PCDHGA4: variants seen among roughly 807,000 people sequenced by gnomAD.
PCDHGA4 encodes protocadherin gamma-A4.
Under a neutral mutation model 54.6 loss-of-function variants are expected in PCDHGA4, and 38 were observed. The ratio of observed to expected loss-of-function variants is 0.70; its 90% CI spans 0.54 to 0.91. PCDHGA4 has a LOEUF of 0.91. Among genes scored for constraint, PCDHGA4 ranks in the 40% least tolerant of loss-of-function variants. PCDHGA4 has a pLI of 0.00. For synonymous variants in PCDHGA4, 511 were observed against 512.9 expected (o/e 1.00, Z 0.05); for missense variants, 1,298 against 1,220.9 (o/e 1.06, Z -0.94).
At chr5:141,394,769 C>A in intron 1 of PCDHGA4, 1 of 1,613,514 alleles carries the variant, frequency 6.2e-7, no homozygotes, top group African/African-American at 1.3e-5. Context: ...ATGGCCAGCC[C>A]CCTCTCTCCG....
In PCDHGA4 at chr5:141,356,250, A is replaced by T; in HGVS notation, c.1143A>T (p.Thr381=). ...ENDNAPEVTV[T]SLTSSVQESS... Reference sequence around the variant, plus strand: ...ACAACGCACCAGAAGTCACAGTTACATCTCTCACCAGCTCAGTCCAGGAAT... The same window carrying T: ...ACAACGCACCAGAAGTCACAGTTACTTCTCTCACCAGCTCAGTCCAGGAAT... Residue 381 remains threonine, a synonymous_variant, in exon 1 of 4, where the codon ACA becomes ACT. Transcript: ENST00000571252. 3.2e-6 allele frequency: 5 copies of T among 1,575,134 alleles called. No homozygotes were observed. The highest frequency in any genetic ancestry group is 4.3e-6 in the Non-Finnish European group (5 of 1,159,564).
intron 3 of PCDHGA4, 77 bp downstream of exon 3, chr5:141,505,558 C>T (rs945428797): frequency 3.7e-6 from 6 of 1,605,016 alleles, no homozygotes; most frequent in African/African-American, 1.3e-5. Context: ...ACCATGCCCA[C>T]GGACTGGATG....
chr5:141,398,835 T>G (rs371527677), intron 1 of PCDHGA4: 60 of 1,613,796 alleles, frequency 3.7e-5, no homozygotes, highest in Non-Finnish European at 4.9e-5. Context: ...CCGACGCCAA[T>G]GATAATCCCC....
intron 1 of PCDHGA4, chr5:141,360,061 T>A: frequency 6.9e-7 from 1 of 1,452,308 alleles, no homozygotes; most frequent in Non-Finnish European, 9.1e-7. Flanking sequence ...GCAGGAAAAG[T>A]GACCTTAGCC....
chr5:141,399,832 G>C (rs2093898646), intron 1 of PCDHGA4: 1 of 1,613,034 alleles, frequency 6.2e-7, no homozygotes, highest in Admixed American at 1.7e-5. Context: ...CGACGGCTCT[G>C]CGCTCTTCGA....
chr5:141,365,422 T>C (rs537066811), intron 1 of PCDHGA4: 4 of 1,614,032 alleles, frequency 2.5e-6, no homozygotes, highest in East Asian at 2.2e-5. Flanking sequence ...TTCCCGGAAC[T>C]GTAATCGCGC....
chr5:141,355,153 T>C lies in PCDHGA4; in HGVS notation c.46T>C (p.Ser16Pro). 6.5e-7 allele frequency: 1 copy of C among 1,549,638 alleles called. No homozygotes were observed. The highest frequency in any genetic ancestry group is 8.7e-7 in the Non-Finnish European group (1 of 1,150,038). Residue 16 changes from serine to proline, a missense_variant, in exon 1 of 4, where the codon TCG (serine) becomes CCG (proline). Transcript: ENST00000571252. Reference sequence around the variant, plus strand: ...AGAAGATCCTGGGGCTCCTCAGGCCTCGACAGAGGGAAAACCGAAGCACAG... The same window carrying C: ...AGAAGATCCTGGGGCTCCTCAGGCCCCGACAGAGGGAAAACCGAAGCACAG... Reference protein sequence around the residue: ...DPEDPGAPQASTEGKPKHRRL... With the variant: ...DPEDPGAPQAPTEGKPKHRRL...
chr5:141,376,701 A>G (rs1226810157), intron 1 of PCDHGA4: 2 of 567,970 alleles, frequency 3.5e-6, no homozygotes, highest in African/African-American at 3.9e-5. Context: ...TTTTTTTGAG[A>G]CGGAGTCTCG....
intron 1 of PCDHGA4, chr5:141,478,333 G>T: frequency 6.2e-7 from 1 of 1,613,928 alleles, no homozygotes; most frequent in Non-Finnish European, 8.5e-7. Context: ...GAACACCAGG[G>T]CCCTCCTTGC....
chr5:141,491,496 C>T lies in PCDHGA4; in HGVS notation c.2515-3311C>T, dbSNP rs372523924. ...AGTCCAGCCCCAACCTGCAGGTGAG[C>T]TCGGACGGCACGCTCAAGTACATGG... On this transcript the variant is annotated intron_variant, in intron 1 of 3. Transcript: ENST00000571252. This position sits in a 1 kb window ranked among gnomAD's most constrained non-coding sequence, Gnocchi z 6.9. 2.9e-5 allele frequency: 47 copies of T among 1,614,004 alleles called. No individual in the cohort carries two copies. Among genetic ancestry groups the T allele is most frequent in the Non-Finnish European group, 3.7e-5 (44 of 1,180,026 alleles).
chr5:141,387,788 A>G, intron 1 of PCDHGA4: 2 of 1,487,916 alleles, frequency 1.3e-6, no homozygotes, highest in Non-Finnish European at 1.8e-6. Flanking sequence ...TGGAACTGCA[A>G]CTAAAGTCCG....
chr5:141,423,816 T>C lies in PCDHGA4; in HGVS notation c.2514+66195T>C, dbSNP rs1205974775. ...TTAGAGCAATACATGTGAGTTTTACTTTGCCTTTCATGAGATTACGATAAT... is the reference window on the plus strand; with the variant it reads ...TTAGAGCAATACATGTGAGTTTTACCTTGCCTTTCATGAGATTACGATAAT... On this transcript the variant is annotated intron_variant, in intron 1 of 3. Transcript: ENST00000571252. 3 of 1,273,904 alleles carry C rather than the reference T, an allele frequency of 2.4e-6. No individual in the cohort carries two copies. The African/African-American group carries it at 4.7e-5, about 20-fold the overall frequency. 78.9% of individuals were successfully genotyped at this position (1,273,904 alleles called of 1,614,324 possible).
intron 1 of PCDHGA4, among the ~76,000 whole-genome samples, chr5:141,430,341 C>T (rs766664177): frequency 1.4e-4 from 21 of 149,938 alleles, no homozygotes; most frequent in Non-Finnish European, 2.8e-4. Context: ...TAGAAACTTC[C>T]AATTCATTTA....
Position 141,490,637 on chromosome 5 carries a change from A to C in PCDHGA4, c.2515-4170A>C. ...CTTTACACTGCTTACATCCTAGAAA[A>C]CCGGCCTCCGGGCTCCCTTCTTTGC... is the stretch of plus-strand genomic sequence containing the variant. On this transcript the variant is annotated intron_variant, in intron 1 of 3. Coordinates refer to ENST00000571252, the MANE Select transcript of PCDHGA4 (RefSeq NM_018917.4). This position sits in a 1 kb window ranked among gnomAD's most constrained non-coding sequence, Gnocchi z 5.4. 1 of 1,614,108 alleles carries C rather than the reference A, an allele frequency of 6.2e-7. No individual in the cohort carries two copies. Among genetic ancestry groups the C allele is most frequent in the Non-Finnish European group, 8.5e-7 (1 of 1,179,992 alleles).
intron 1 of PCDHGA4, chr5:141,409,205 A>C (rs766592481): frequency 1.2e-6 from 2 of 1,614,068 alleles, no homozygotes; most frequent in Non-Finnish European, 1.7e-6. Flanking sequence ...TAAAGTAATC[A>C]TAGAAATCCT....
intron 1 of PCDHGA4, among the ~76,000 whole-genome samples, chr5:141,472,122 G>A (rs898092092): frequency 6.6e-6 from 1 of 152,176 alleles, no homozygotes; most frequent in African/African-American, 2.4e-5. Flanking sequence ...GAAAATAAAA[G>A]AGAAGTTAAA....
intron 1 of PCDHGA4, among the ~76,000 whole-genome samples, chr5:141,381,826 C>CTTTTTTTTTTTTTTTTTTTTT (rs770630741): frequency 2.7e-5 from 2 of 74,284 alleles, no homozygotes; most frequent in Admixed American, 1.9e-4. Flanking sequence ...CTTTCTTCTT[C>CTTTTTTTTTTTTTTTTTTTTT]TTTTTTTTTT....
intron 1 of PCDHGA4, among the ~76,000 whole-genome samples, chr5:141,482,144 G>C (rs564178008): frequency 1.3e-4 from 20 of 151,858 alleles, no homozygotes; most frequent in Admixed American, 9.8e-4. Flanking sequence ...GGCATAAAAA[G>C]GTCAAGTCAA....
intron 1 of PCDHGA4, chr5:141,374,097 A>G (rs1277096139): frequency 3.2e-6 from 5 of 1,560,098 alleles, no homozygotes; most frequent in Non-Finnish European, 4.3e-6. Flanking sequence ...GCGCCTCCGC[A>G]GAGGCATCCG....
Sources: gnomAD v4.1 joint callset for allele counts (sites outside exome capture counted in the v4.1 genomes callset) on GRCh38, gnomAD v4.1.1 for gene constraint, Gnocchi (gnomAD v3.1) non-coding constraint, MANE v1.5 for transcripts, NCBI Gene and HGNC (gene_info 2026-07-23, HGNC 2026-07-21) for gene names.